Variants in FBXL7 observed in about 807,000 individuals in gnomAD.
The protein encoded by FBXL7 is F-box/LRR-repeat protein 7.
A neutral mutation model predicts 38.3 loss-of-function variants in FBXL7; 12 were observed. That is an observed-to-expected ratio of 0.31 (90% CI 0.20 to 0.51). The LOEUF (loss-of-function observed/expected upper bound fraction) is 0.51, where lower values mean the gene tolerates loss of function less well. Ranked by LOEUF, FBXL7 falls within the 20% of genes least tolerant of loss-of-function variation. The pLI is 0.98. For missense variants in FBXL7, 567 were observed against 676.4 expected, an observed-to-expected ratio of 0.84 and a Z score of 1.79; for synonymous variants, 297 against 300.9, an observed-to-expected ratio of 0.99 and a Z score of 0.13.
intron 2 of FBXL7, among the ~76,000 whole-genome samples, chr5:15,763,977 G>T (rs1244661872): frequency 6.6e-6 from 1 of 152,138 alleles, no homozygotes; most frequent in African/African-American, 2.4e-5. Flanking sequence ...TTAGCCTAAG[G>T]CTGAATGGAG....
chr5:15,674,829 T>C (rs772822539), intron 2 of FBXL7, among the ~76,000 whole-genome samples: 3 of 152,224 alleles, frequency 2.0e-5, no homozygotes, highest in Non-Finnish European at 4.4e-5. Context: ...GTTAAGAAGT[T>C]GTCTTAGTGA....
intron 2 of FBXL7, among the ~76,000 whole-genome samples, chr5:15,879,808 A>G (rs771152182): frequency 1.4e-4 from 21 of 152,230 alleles, no homozygotes; most frequent in Non-Finnish European, 3.1e-4. Context: ...ACAGAGATCA[A>G]TACCAAAGCA....
At chr5:15,792,629 C>T (rs1044202926) in intron 2 of FBXL7, among the ~76,000 whole-genome samples, 4 of 152,292 alleles carry the variant, frequency 2.6e-5, no homozygotes, top group Middle Eastern at 3.4e-3. Flanking sequence ...GAGACCTGGA[C>T]AGAAGGCGTC....
At chr5:15,700,222 A>G (rs972531521) in intron 2 of FBXL7, among the ~76,000 whole-genome samples, 4 of 152,190 alleles carry the variant, frequency 2.6e-5, no homozygotes, top group Non-Finnish European at 4.4e-5. Flanking sequence ...TGTAAACATG[A>G]GTTCACCCTA....
intron 2 of FBXL7, among the ~76,000 whole-genome samples, chr5:15,743,970 A>G (rs1283301139): frequency 1.3e-5 from 2 of 152,204 alleles, no homozygotes; most frequent in Admixed American, 1.3e-4. Flanking sequence ...CAGCTGGGAC[A>G]TAAGGCACCA....
intron 2 of FBXL7, among the ~76,000 whole-genome samples, chr5:15,919,817 G>A (rs1579601687): frequency 6.6e-6 from 1 of 152,146 alleles, no homozygotes; most frequent in African/African-American, 2.4e-5. Flanking sequence ...TCTTTACCAT[G>A]CTGGGTTTTG....
chr5:15,746,635 C>T (rs1736022627), intron 2 of FBXL7, among the ~76,000 whole-genome samples: 1 of 151,968 alleles, frequency 6.6e-6, no homozygotes, highest in Admixed American at 6.6e-5. Flanking sequence ...TGCCTAAAGC[C>T]ATTGCATTGG....
chr5:15,934,500 A>G (rs1261427010), intron 3 of FBXL7, among the ~76,000 whole-genome samples: 1 of 151,932 alleles, frequency 6.6e-6, no homozygotes, highest in East Asian at 1.9e-4. Flanking sequence ...TAGTGTGTAT[A>G]TATATAACTT....
At chr5:15,756,178 C>CT (rs978732126) in intron 2 of FBXL7, among the ~76,000 whole-genome samples, 2 of 151,914 alleles carry the variant, frequency 1.3e-5, no homozygotes, top group African/African-American at 4.8e-5. Context: ...CCTGCTCAGA[C>CT]TTTTTTTTCA....
intron 2 of FBXL7, among the ~76,000 whole-genome samples, chr5:15,734,334 C>T (rs1735693116): frequency 1.3e-5 from 2 of 152,346 alleles, no homozygotes; most frequent in South Asian, 4.1e-4. Flanking sequence ...GAGGCACATA[C>T]TGCTCCTCTG....
chr5:15,923,906 G>C (rs893927263), intron 2 of FBXL7, among the ~76,000 whole-genome samples: 2 of 151,956 alleles, frequency 1.3e-5, no homozygotes, highest in Admixed American at 1.3e-4. Flanking sequence ...CCACCTCTAG[G>C]CAGGTAGTGT....
chr5:15,766,472 A>T (rs928873643), intron 2 of FBXL7, among the ~76,000 whole-genome samples: 2 of 152,216 alleles, frequency 1.3e-5, no homozygotes, highest in African/African-American at 4.8e-5. Context: ...GAACTGGCTT[A>T]CAGCCACTGT....
intron 2 of FBXL7, among the ~76,000 whole-genome samples, chr5:15,844,192 T>G (rs1246065047): frequency 6.6e-6 from 1 of 152,150 alleles, no homozygotes; most frequent in Non-Finnish European, 1.5e-5. Flanking sequence ...GTAGAAGCAT[T>G]TAATTGCATA....
intron 2 of FBXL7, among the ~76,000 whole-genome samples, chr5:15,622,146 C>T (rs1740670507): frequency 6.6e-6 from 1 of 151,900 alleles, no homozygotes; most frequent in Non-Finnish European, 1.5e-5. Context: ...TCAGTATCCC[C>T]ACATATAGCA....
intron 2 of FBXL7, among the ~76,000 whole-genome samples, chr5:15,714,889 C>T (rs1579401215): frequency 6.8e-6 from 1 of 146,956 alleles, no homozygotes; most frequent in East Asian, 2.0e-4. Flanking sequence ...GTGTCGGAAT[C>T]ATAGAAGACA....
intron 2 of FBXL7, among the ~76,000 whole-genome samples, chr5:15,790,774 G>C (rs1164054347): frequency 2.0e-5 from 3 of 152,142 alleles, no homozygotes; most frequent in African/African-American, 7.2e-5. Flanking sequence ...AGACACAAAA[G>C]TCAGGAAATG....
chr5:15,922,461 A>G (rs1322536916), intron 2 of FBXL7, among the ~76,000 whole-genome samples: 1 of 152,124 alleles, frequency 6.6e-6, no homozygotes, highest in African/African-American at 2.4e-5. Context: ...CTCCTTGGTG[A>G]TAAGGATTCC....
intron 2 of FBXL7, among the ~76,000 whole-genome samples, chr5:15,869,970 T>C (rs1739882408): frequency 6.6e-6 from 1 of 152,060 alleles, no homozygotes; most frequent in African/African-American, 2.4e-5. Flanking sequence ...ATTAGCTGGA[T>C]GTGGTGGCAC....
rs569958415 is a variant in FBXL7 at position 15,693,282 on chromosome 5, C to T, written c.127+77210C>T. ...GGGCGATGGTGGATGCCACCAGATG[C>T]GAGACTTACAGACAGCCCAAAGCCC... On this transcript the variant is annotated intron_variant, in intron 2 of 3. Coordinates refer to ENST00000504595, the MANE Select transcript of FBXL7 (RefSeq NM_012304.5). 6.6e-5 allele frequency among the ~76,000 whole-genome samples: 10 copies of T among 152,232 alleles called. No individual in the cohort carries two copies. The South Asian group carries it at 1.5e-3, about 22-fold the overall frequency.
Sources: allele counts gnomAD v4.1 joint callset (sites outside exome capture counted in the v4.1 genomes callset), GRCh38; gene constraint gnomAD v4.1.1; transcripts MANE v1.5; gene names NCBI Gene and HGNC (gene_info 2026-07-23, HGNC 2026-07-21).